The following SRD5A2 variants were observed in gnomAD, a reference collection of about 807,000 sequenced individuals.
The protein encoded by SRD5A2 is 3-oxo-5-alpha-steroid 4-dehydrogenase 2.
SRD5A2 carries 30 observed loss-of-function variants against 27.4 expected under a neutral mutation model. The ratio of observed to expected loss-of-function variants is 1.10; its 90% CI spans 0.82 to 1.49. SRD5A2 has a LOEUF of 1.49. SRD5A2 is among the 40% of genes most tolerant of loss of function. SRD5A2 has a pLI of 0.00. For synonymous variants in SRD5A2, 141 were observed against 133.6 expected, an observed-to-expected ratio of 1.06 and a Z score of -0.38; for missense variants, 348 against 323.4, an observed-to-expected ratio of 1.08 and a Z score of -0.58.
intron 1 of SRD5A2, among the ~76,000 whole-genome samples, chr2:31,562,354 C>A (rs1025557613): frequency 2.0e-5 from 3 of 151,930 alleles, no homozygotes; most frequent in South Asian, 2.1e-4. Flanking sequence ...GGGTATCCAC[C>A]ACCTCAAATA....
the SRD5A2 span, among the ~76,000 whole-genome samples, chr2:31,603,006 G>C: frequency 4.6e-5 from 7 of 151,984 alleles, no homozygotes; most frequent in Non-Finnish European, 8.8e-5. Context: ...ATAGGTATGG[G>C]CAAACATTTC....
intron 1 of SRD5A2, among the ~76,000 whole-genome samples, chr2:31,572,733 C>T (rs1666877150): frequency 6.6e-6 from 1 of 152,022 alleles, no homozygotes; most frequent in African/African-American, 2.4e-5. Context: ...ACTGCTGATA[C>T]AAGAGGGCAG....
intron 1 of SRD5A2, among the ~76,000 whole-genome samples, chr2:31,552,694 G>T (rs988954868): frequency 6.6e-6 from 1 of 152,150 alleles, no homozygotes; most frequent in African/African-American, 2.4e-5. Context: ...TTTGATGGGG[G>T]CAGCTAAGAA....
chr2:31,553,431 G>A (rs1334576656), intron 1 of SRD5A2, among the ~76,000 whole-genome samples: 1 of 152,134 alleles, frequency 6.6e-6, no homozygotes, highest in African/African-American at 2.4e-5. Flanking sequence ...GAAGCTGAAA[G>A]CACCACAAAT....
chr2:31,619,782 G>C, the SRD5A2 span, among the ~76,000 whole-genome samples: 31 of 151,674 alleles, frequency 2.0e-4, no homozygotes, highest in Non-Finnish European at 4.1e-4. Context: ...TTTTTTATGG[G>C]GTTGTTTGTT....
intron 1 of SRD5A2, among the ~76,000 whole-genome samples, chr2:31,580,306 T>C (rs1667045037): frequency 6.6e-6 from 1 of 152,246 alleles, no homozygotes; most frequent in African/African-American, 2.4e-5. Flanking sequence ...CTCCCCAACC[T>C]GAGCTTTCCA....
chr2:31,586,888 C>T, the SRD5A2 span, among the ~76,000 whole-genome samples: 1 of 152,190 alleles, frequency 6.6e-6, no homozygotes, highest in Non-Finnish European at 1.5e-5. Context: ...CTAAGTAAGG[C>T]ACCATGGACC....
chr2:31,539,170 A>G (rs1390988679), intron 1 of SRD5A2, among the ~76,000 whole-genome samples: 1 of 152,226 alleles, frequency 6.6e-6, no homozygotes, highest in Admixed American at 6.5e-5. Flanking sequence ...GTTGGAGAGA[A>G]CAAGGCATAT....
Position 31,533,587 on chromosome 2 carries a change from G to A in SRD5A2, c.445+16C>T. 6.4e-7 allele frequency: 1 copy of A among 1,550,410 alleles called. No individual in the cohort carries two copies. The highest frequency in any genetic ancestry group is 2.4e-5 in the East Asian group (1 of 40,908). On this transcript the variant is annotated intron_variant, in intron 2 of 4. Coordinates refer to ENST00000622030, the MANE Select transcript of SRD5A2 (RefSeq NM_000348.4). Reference sequence around the variant, plus strand: ...GTTAGCTGGGAAGTAGGTGAGAAGTGGGCAGATTCACTTACCCAAGCTAAA... The same window carrying A: ...GTTAGCTGGGAAGTAGGTGAGAAGTAGGCAGATTCACTTACCCAAGCTAAA...
chr2:31,569,046 G>A (rs748795080), intron 1 of SRD5A2, among the ~76,000 whole-genome samples: 2 of 152,204 alleles, frequency 1.3e-5, no homozygotes, highest in Non-Finnish European at 2.9e-5. Flanking sequence ...AGGGAAGCCC[G>A]GGTCCAGAGC....
chr2:31,582,237 C>A (rs934342501), upstream of SRD5A2, among the ~76,000 whole-genome samples: 1 of 152,156 alleles, frequency 6.6e-6, no homozygotes, highest in African/African-American at 2.4e-5. Flanking sequence ...CTCCCAGGAG[C>A]CCCATTCAGT....
At chr2:31,606,893 T>C in the SRD5A2 span, among the ~76,000 whole-genome samples, 32 of 152,126 alleles carry the variant, frequency 2.1e-4, no homozygotes, top group African/African-American at 5.5e-4. Context: ...GAGATCAATG[T>C]GTCAAAAGCA....
At chr2:31,577,854 A>G (rs1413783217) in intron 1 of SRD5A2, among the ~76,000 whole-genome samples, 1 of 152,218 alleles carries the variant, frequency 6.6e-6, no homozygotes, top group African/African-American at 2.4e-5. Flanking sequence ...TGGAAATCCT[A>G]AGAAAATAGA....
the SRD5A2 span, among the ~76,000 whole-genome samples, chr2:31,590,442 G>C: frequency 1.3e-5 from 2 of 152,092 alleles, no homozygotes; most frequent in South Asian, 4.1e-4. Context: ...TGAAGTAATT[G>C]TGAATGGGAG....
At chr2:31,580,471 A>G in intron 1 of SRD5A2, 149 bp downstream of exon 1, 1 of 1,019,822 alleles carries the variant, frequency 9.8e-7, no homozygotes, top group Non-Finnish European at 1.4e-6. Flanking sequence ...GGCCCCCGCC[A>G]GGTGCGCCAG....
At chr2:31,559,516 C>T (rs1666571747) in intron 1 of SRD5A2, among the ~76,000 whole-genome samples, 1 of 152,022 alleles carries the variant, frequency 6.6e-6, no homozygotes, top group Non-Finnish European at 1.5e-5. Context: ...TTTTAACATA[C>T]ATTTGCATAA....
At chr2:31,590,026 A>G in the SRD5A2 span, among the ~76,000 whole-genome samples, 1 of 152,194 alleles carries the variant, frequency 6.6e-6, no homozygotes, top group Admixed American at 6.5e-5. Context: ...TGTATAATGC[A>G]GTAGAGGCAC....
intron 1 of SRD5A2, among the ~76,000 whole-genome samples, chr2:31,557,946 T>C (rs1666532267): frequency 6.6e-6 from 1 of 152,222 alleles, no homozygotes; most frequent in Admixed American, 6.5e-5. Context: ...ATAGGACTAG[T>C]GCTATCTCAC....
chr2:31,580,297 TC>T (rs1469915704), intron 1 of SRD5A2, among the ~76,000 whole-genome samples: 1 of 152,218 alleles, frequency 6.6e-6, no homozygotes, highest in Non-Finnish European at 1.5e-5. Context: ...CCAATAGGTC[TC>T]CCCAACCTGA....
Sources: allele counts gnomAD v4.1 joint callset (sites outside exome capture counted in the v4.1 genomes callset), GRCh38; gene constraint gnomAD v4.1.1; transcripts MANE v1.5; gene names NCBI Gene and HGNC (gene_info 2026-07-23, HGNC 2026-07-21).